The following SACS variants were observed in gnomAD, a reference collection of about 807,000 sequenced individuals.
The protein encoded by SACS is sacsin molecular chaperone.
SACS carries 197 observed loss-of-function variants against 348.0 expected under a neutral mutation model. The ratio of observed to expected loss-of-function variants is 0.57; its 90% CI spans 0.50 to 0.64. The LOEUF (loss-of-function observed/expected upper bound fraction) is 0.64, where lower values mean the gene tolerates loss of function less well. Ranked by LOEUF, SACS falls within the 30% of genes least tolerant of loss-of-function variation. SACS has a pLI of 0.00. For synonymous variants in SACS, 1,985 were observed against 1,910.6 expected (o/e 1.04, Z -1.02); for missense variants, 4,999 against 5,360.8 (o/e 0.93, Z 2.11).
chr13:23,369,579 C>G (rs1207647636), intron 4 of SACS, among the ~76,000 whole-genome samples: 4 of 150,228 alleles, frequency 2.7e-5, no homozygotes, highest in Non-Finnish European at 4.4e-5. Flanking sequence ...GACTCTCCTT[C>G]TATTGCTCAG....
At position 23,331,423 on chromosome 13, in the gene SACS, C is replaced by T; in HGVS notation, c.12453G>A (p.Leu4151=). Residue 4151 remains leucine, a synonymous_variant, in exon 10 of 10, where the codon CTG becomes CTA. Transcript: ENST00000382292. ...TTGGTGTGCCAGGCATTGGAAGTTC[C>T]AGTTTTGATGGCTCCGAAGAGTCAT... ...VKYDSSEPSK[L]ELPMPGTPIP... The T allele has an allele frequency of 6.2e-7, 1 of 1,614,006 alleles. No individual in the cohort carries two copies.
chr13:23,375,437 A>G (rs1871709668), intron 2 of SACS, 168 bp from the exon 3 acceptor site: 3 of 1,189,270 alleles, frequency 2.5e-6, no homozygotes, highest in African/African-American at 1.6e-5. Flanking sequence ...CCGCGTCCAC[A>G]GGCCCCGCGC....
Position 23,332,223 on chromosome 13 carries a change from A to G in SACS, c.11653T>C (p.Phe3885Leu). The G allele has an allele frequency of 6.2e-7, 1 of 1,614,010 alleles. No individual in the cohort carries two copies. Among genetic ancestry groups the G allele is most frequent in the Non-Finnish European group, 8.5e-7 (1 of 1,179,952 alleles). The change falls in exon 10 of 10, where the codon TTC becomes CTC. Residue 3885 changes from phenylalanine to leucine, a missense_variant. Phe to Leu is a conservative substitution (Grantham distance 22, BLOSUM62 0). This residue lies in a region of SACS where 831 missense variants were observed against 941.8 expected (regional missense o/e 0.88). Transcript: ENST00000382292. ...ACTGAATCATTCTGTAGACTCCTGA[A>G]CAGACCAGAAACTACTCTCTTAACT... is the stretch of plus-strand genomic sequence containing the variant. Reference protein sequence around the residue: ...RTVKRVVSGLFRSLQNDSVKV... With the variant: ...RTVKRVVSGLLRSLQNDSVKV...
chr13:23,408,157 A>G (rs926168590), intron 2 of SACS, among the ~76,000 whole-genome samples: 1 of 152,158 alleles, frequency 6.6e-6, no homozygotes, highest in African/African-American at 2.4e-5. Flanking sequence ...TGTCACATTC[A>G]TCAAATGAAG....
intron 2 of SACS, among the ~76,000 whole-genome samples, chr13:23,401,243 C>A (rs1200466255): frequency 2.0e-5 from 3 of 152,168 alleles, no homozygotes; most frequent in African/African-American, 4.8e-5. Context: ...GGCCAACCTG[C>A]CTCCCATTCT....
intron 6 of SACS, among the ~76,000 whole-genome samples, chr13:23,361,636 G>A (rs1353204619): frequency 6.6e-6 from 1 of 152,088 alleles, no homozygotes; most frequent in Non-Finnish European, 1.5e-5. Flanking sequence ...AATTAGCTGG[G>A]CATGGTGGCA....
chr13:23,360,434 C>T (rs1870659540), intron 6 of SACS, among the ~76,000 whole-genome samples: 1 of 149,750 alleles, frequency 6.7e-6, no homozygotes, highest in Non-Finnish European at 1.5e-5. Context: ...CACTGAACAC[C>T]AGGCTCGAGA....
chr13:23,416,123 A>C (rs1873680933), intron 1 of SACS, among the ~76,000 whole-genome samples: 1 of 152,000 alleles, frequency 6.6e-6, no homozygotes, highest in South Asian at 2.1e-4. Context: ...CTACTAAAAA[A>C]TACAAAAAAT....
At chr13:23,426,664 C>T (rs1158009281) in intron 1 of SACS, among the ~76,000 whole-genome samples, 2 of 148,234 alleles carry the variant, frequency 1.3e-5, no homozygotes, top group Non-Finnish European at 3.0e-5. Flanking sequence ...AAAAGAAGTA[C>T]ATTGGTTTGG....
intron 9 of SACS, among the ~76,000 whole-genome samples, chr13:23,350,841 TAC>T: frequency 6.6e-6 from 1 of 152,132 alleles, no homozygotes; most frequent in South Asian, 2.1e-4. Context: ...CAAGATGACT[TAC>T]ATGATTGGTA....
intron 2 of SACS, among the ~76,000 whole-genome samples, chr13:23,386,151 C>T (rs1239526350): frequency 6.6e-6 from 1 of 152,172 alleles, no homozygotes; most frequent in African/African-American, 2.4e-5. Flanking sequence ...TGCATTAGCC[C>T]CTAACAAGAG....
At chr13:23,397,526 T>C (rs1872756692) in intron 2 of SACS, among the ~76,000 whole-genome samples, 1 of 152,202 alleles carries the variant, frequency 6.6e-6, no homozygotes, top group African/African-American at 2.4e-5. Context: ...TAGTAACATA[T>C]TTTAAAAAGG....
At chr13:23,411,117 C>T (rs1873462333) in intron 2 of SACS, 103 bp downstream of exon 2, 4 of 944,624 alleles carry the variant, frequency 4.2e-6, no homozygotes, top group East Asian at 2.4e-5. Flanking sequence ...TTTTACCTCT[C>T]GAGTGCTTTC....
intron 6 of SACS, among the ~76,000 whole-genome samples, chr13:23,360,397 A>G (rs1870656523): frequency 6.6e-6 from 1 of 151,952 alleles, no homozygotes. Flanking sequence ...ACAAAAAAAA[A>G]AAAAAAAGGA....
chr13:23,376,139 T>G (rs1391669696), intron 2 of SACS, among the ~76,000 whole-genome samples: 1 of 152,164 alleles, frequency 6.6e-6, no homozygotes, highest in Non-Finnish European at 1.5e-5. Context: ...CACATAAATG[T>G]ATCCTATGAC....
chr13:23,399,291 G>A (rs923565159), intron 2 of SACS, among the ~76,000 whole-genome samples: 16 of 151,868 alleles, frequency 1.1e-4, no homozygotes, highest in Admixed American at 1.3e-4. Context: ...CTTTGTTCTC[G>A]AGATCAACTT....
At chr13:23,425,019 C>T (rs376578852) in intron 1 of SACS, among the ~76,000 whole-genome samples, 44 of 152,198 alleles carry the variant, frequency 2.9e-4, no homozygotes, top group African/African-American at 9.4e-4. Context: ...TTGTATCCAT[C>T]GGGGGCCTGG....
At chr13:23,384,866 A>C (rs138242138) in intron 2 of SACS, among the ~76,000 whole-genome samples, 1 of 152,316 alleles carries the variant, frequency 6.6e-6, no homozygotes, top group African/African-American at 2.4e-5. Flanking sequence ...TATCACAATA[A>C]AATAAGTCAC....
At chr13:23,405,776 A>G (rs527767776) in intron 2 of SACS, among the ~76,000 whole-genome samples, 19 of 152,364 alleles carry the variant, frequency 1.2e-4, no homozygotes, top group Admixed American at 2.6e-4. Context: ...TGTGGCCAAC[A>G]AACATTTGAA....
Sources: allele counts gnomAD v4.1 joint callset (sites outside exome capture counted in the v4.1 genomes callset), GRCh38; gene constraint gnomAD v4.1.1; regional missense constraint gnomAD v4.1.1; transcripts MANE v1.5; gene names NCBI Gene and HGNC (gene_info 2026-07-23, HGNC 2026-07-21).